The following IRAG1 variants were observed in gnomAD, a reference collection of about 807,000 sequenced individuals.
The protein encoded by IRAG1 is IP3R-associated cGMP kinase substrate.
In IRAG1, 62 loss-of-function variants were observed where a neutral mutation model predicts 106.2. The observed-to-expected ratio is 0.58, with a 90% CI of 0.48 to 0.72. The LOEUF is 0.72. IRAG1 is among the 30% of genes least tolerant of loss of function. The pLI is 0.00. For synonymous variants in IRAG1, 462 were observed against 443.9 expected (o/e 1.04, Z -0.51); for missense variants, 1,064 against 1,140.7 (o/e 0.93, Z 0.97).
intron 2 of IRAG1, among the ~76,000 whole-genome samples, chr11:10,634,393 CAT>C (rs1302285666): frequency 6.6e-6 from 1 of 152,226 alleles, no homozygotes; most frequent in Non-Finnish European, 1.5e-5. Flanking sequence ...CACCAACTCA[CAT>C]AGTTACCTTT....
At chr11:10,584,001 A>G (rs957332844) in intron 18 of IRAG1, among the ~76,000 whole-genome samples, 1 of 152,182 alleles carries the variant, frequency 6.6e-6, no homozygotes, top group African/African-American at 2.4e-5. Context: ...ATACTAGAAC[A>G]TCTTGGTAAG....
At chr11:10,678,542 G>A (rs556790775) in intron 1 of IRAG1, among the ~76,000 whole-genome samples, 1 of 152,320 alleles carries the variant, frequency 6.6e-6, no homozygotes, top group South Asian at 2.1e-4. Flanking sequence ...GATGCGGCAA[G>A]GTCACACAGC....
At chr11:10,627,382 C>T (rs1486371801) in intron 8 of IRAG1, among the ~76,000 whole-genome samples, 1 of 152,148 alleles carries the variant, frequency 6.6e-6, no homozygotes, top group Non-Finnish European at 1.5e-5. Flanking sequence ...CAGGGGCTGG[C>T]GCTTTCCTGC....
intron 1 of IRAG1, among the ~76,000 whole-genome samples, chr11:10,666,947 C>A (rs10840463): frequency 0.21 from 32,177 of 152,082 alleles, 4,872 homozygotes; most frequent in East Asian, 0.81. Context: ...GGAGCTCCTG[C>A]ACCCTGGGGA....
At chr11:10,671,921 A>T (rs1398520482) in intron 1 of IRAG1, among the ~76,000 whole-genome samples, 1 of 151,976 alleles carries the variant, frequency 6.6e-6, no homozygotes, top group Non-Finnish European at 1.5e-5. Flanking sequence ...AAGAAGAAAA[A>T]AATTATCTAC....
At position 10,668,218 on chromosome 11, in the gene IRAG1, CAT is replaced by C. The variant is rs535192738; in HGVS notation, c.68-16038_68-16037del. 1.4e-4 allele frequency among the ~76,000 whole-genome samples: 22 copies of C among 152,316 alleles called. No individual in the cohort carries two copies. In the East Asian group the frequency reaches 2.9e-3, roughly 20 times the overall value. ...GCATTTTAAATTGTTTAGTTGGAAA[CAT>C]AGACTTTAACCTTCTATTTGCCACT... On this transcript the variant is annotated intron_variant, in intron 1 of 20. Transcript: ENST00000423302.
intron 10 of IRAG1, among the ~76,000 whole-genome samples, chr11:10,618,813 T>A (rs1188385049): frequency 6.6e-6 from 1 of 152,208 alleles, no homozygotes; most frequent in East Asian, 1.9e-4. Context: ...TGGGTGGGGT[T>A]AACTATTCAG....
chr11:10,603,753 G>A (rs2134342027), intron 13 of IRAG1, among the ~76,000 whole-genome samples: 1 of 151,776 alleles, frequency 6.6e-6, no homozygotes, highest in Non-Finnish European at 1.5e-5. Flanking sequence ...GGAGAGTGGA[G>A]CCCCACGAAT....
chr11:10,610,752 A>C lies in IRAG1; in HGVS notation c.1448-901T>G, dbSNP rs141639405. Among the ~76,000 whole-genome samples, 23 of 152,334 alleles carry C rather than the reference A, an allele frequency of 1.5e-4. No individual in the cohort carries two copies. In the East Asian group the frequency reaches 4.1e-3, roughly 27 times the overall value. Reference sequence around the variant, plus strand: ...CATTGATGTTTGTTATTCATGCAGCATAGATTTTGTGTGCCTGACTACGGG... The same window carrying C: ...CATTGATGTTTGTTATTCATGCAGCCTAGATTTTGTGTGCCTGACTACGGG... On this transcript the variant is annotated intron_variant, in intron 10 of 20. Coordinates refer to ENST00000423302, the MANE Select transcript of IRAG1 (RefSeq NM_130385.4).
chr11:10,668,636 C>G (rs1029224120), intron 1 of IRAG1, among the ~76,000 whole-genome samples: 4 of 152,178 alleles, frequency 2.6e-5, no homozygotes, highest in African/African-American at 9.6e-5. Context: ...GAAAAGTTAG[C>G]CAACCCTGCT....
At chr11:10,643,130 T>C (rs79620424) in intron 2 of IRAG1, among the ~76,000 whole-genome samples, 2,731 of 128,988 alleles carry the variant, frequency 0.021, 92 homozygotes, top group African/African-American at 0.076. Flanking sequence ...AGCCTGATCG[T>C]GCCACTGCAC....
At chr11:10,683,395 T>C (rs554453019) in intron 1 of IRAG1, among the ~76,000 whole-genome samples, 14 of 152,000 alleles carry the variant, frequency 9.2e-5, no homozygotes, top group African/African-American at 3.4e-4. Flanking sequence ...AAAATACTTC[T>C]ACTAATAAAG....
intron 2 of IRAG1, among the ~76,000 whole-genome samples, chr11:10,634,752 C>CG (rs1857006517): frequency 8.5e-5 from 2 of 23,446 alleles, no homozygotes; most frequent in South Asian, 2.5e-3. Flanking sequence ...GAATAATATT[C>CG]TTGTGTGTGT....
chr11:10,649,624 G>A (rs540123381), intron 2 of IRAG1, among the ~76,000 whole-genome samples: 10 of 152,224 alleles, frequency 6.6e-5, no homozygotes, highest in South Asian at 2.1e-4. Flanking sequence ...TGGGCTTCTC[G>A]GCTCCCGGCT....
rs1024490459 is a variant in IRAG1, at chr11:10,659,952, A to G, written c.68-7770T>C. 6.6e-6 allele frequency among the ~76,000 whole-genome samples: 1 copy of G among 152,176 alleles called. No individual in the cohort carries two copies. Among genetic ancestry groups the G allele is most frequent in the Non-Finnish European group, 1.5e-5 (1 of 68,038 alleles). Reference sequence around the variant, plus strand: ...ATCCTGGGGTCAAGGACCACACGGCATTCTGGGTCTGTGAGATCCCATAAA... The same window carrying G: ...ATCCTGGGGTCAAGGACCACACGGCGTTCTGGGTCTGTGAGATCCCATAAA... On this transcript the variant is annotated intron_variant, in intron 1 of 20. Coordinates refer to ENST00000423302, the MANE Select transcript of IRAG1 (RefSeq NM_130385.4). The surrounding 1 kb of genome is among the most constrained non-coding windows in gnomAD (Gnocchi z 4.1).
Position 10,628,732 on chromosome 11 carries a change from C to T in IRAG1, c.652+19G>A, listed in dbSNP as rs770249073. On this transcript the variant is annotated intron_variant, in intron 6 of 20. Coordinates refer to ENST00000423302, the MANE Select transcript of IRAG1 (RefSeq NM_130385.4). This position sits in a 1 kb window ranked among gnomAD's most constrained non-coding sequence, Gnocchi z 4.1. ...GAGCGAGAGGCAGGGCAGGAAGTCC[C>T]CGGGCAGCTGGGCCTCACCTGGCGG... 19 of 1,519,720 alleles carry T rather than the reference C, an allele frequency of 1.3e-5. No homozygotes were observed. The highest frequency in any genetic ancestry group is 1.5e-5 in the Non-Finnish European group (17 of 1,138,538). The allele number at this position is 1,519,720 out of a possible 1,614,324, so 94.1% of individuals were successfully genotyped here. A position where few individuals can be genotyped will look rare whatever the true frequency, so the allele number is the denominator to read the frequency against.
chr11:10,670,518 T>C (rs1422022530), intron 1 of IRAG1, among the ~76,000 whole-genome samples: 1 of 152,256 alleles, frequency 6.6e-6, no homozygotes, highest in East Asian at 1.9e-4. Flanking sequence ...TAACAAATTC[T>C]GTTTTCACTA....
chr11:10,671,960 A>C (rs921144606), intron 1 of IRAG1, among the ~76,000 whole-genome samples: 3 of 152,132 alleles, frequency 2.0e-5, no homozygotes, highest in African/African-American at 7.2e-5. Flanking sequence ...TTACTATAAA[A>C]CTATCGTAAT....
chr11:10,616,032 G>A (rs1319540639), intron 10 of IRAG1, among the ~76,000 whole-genome samples: 6 of 151,278 alleles, frequency 4.0e-5, no homozygotes, highest in Non-Finnish European at 7.4e-5. Flanking sequence ...TTGGCTGGGC[G>A]CGGTGGCTCT....
Sources: allele counts gnomAD v4.1 joint callset (sites outside exome capture counted in the v4.1 genomes callset), GRCh38; gene constraint gnomAD v4.1.1; non-coding constraint Gnocchi (gnomAD v3.1); transcripts MANE v1.5; gene names NCBI Gene and HGNC (gene_info 2026-07-23, HGNC 2026-07-21).